Variants in CCDC15 observed in about 807,000 individuals in gnomAD.
The protein encoded by CCDC15 is coiled-coil domain containing 15.
In CCDC15, 105 loss-of-function variants were observed where a neutral mutation model predicts 114.5. The observed-to-expected ratio is 0.92, with a 90% CI of 0.78 to 1.08. The LOEUF (loss-of-function observed/expected upper bound fraction) is 1.08, where lower values mean the gene tolerates loss of function less well. Among genes scored for constraint, CCDC15 ranks in the 50% least tolerant of loss-of-function variants. The pLI, the probability that CCDC15 is intolerant of heterozygous loss-of-function variation, is 0.00. For missense variants in CCDC15, 1,105 were observed against 1,093.6 expected (o/e 1.01, Z -0.15); for synonymous variants, 334 against 377.8 (o/e 0.88, Z 1.34).
chr11:124,986,702 C>CGT (rs1565366389), intron 6 of CCDC15, 40 bp from the exon 7 acceptor site: 8 of 1,225,344 alleles, frequency 6.5e-6, no homozygotes, highest in African/African-American at 2.2e-5. Context: ...TGTGTGTGTG[C>CGT]GCGCGCGCGC....
chr11:124,996,582 G>T (rs961486809), intron 11 of CCDC15, among the ~76,000 whole-genome samples: 2 of 152,026 alleles, frequency 1.3e-5, no homozygotes, highest in Non-Finnish European at 2.9e-5. Context: ...ATCCTTTTTA[G>T]GTATACAGTT....
intron 3 of CCDC15, 26 bp from the exon 4 acceptor site, chr11:124,959,789 C>G: frequency 7.3e-7 from 1 of 1,365,296 alleles, no homozygotes. Flanking sequence ...TAGAATGTTA[C>G]TATCCCCCTT....
chr11:124,963,171 T>A (rs1025152751), intron 4 of CCDC15, among the ~76,000 whole-genome samples: 2 of 152,242 alleles, frequency 1.3e-5, no homozygotes, highest in African/African-American at 4.8e-5. Context: ...ATGAGATGGC[T>A]GGGTCAAATG....
At chr11:125,035,598 GACTT>G (rs1565384979) in intron 13 of CCDC15, among the ~76,000 whole-genome samples, 3 of 151,952 alleles carry the variant, frequency 2.0e-5, no homozygotes, top group African/African-American at 7.2e-5. Flanking sequence ...GTTAAGTAAG[GACTT>G]ACTTCTGCCA....
At chr11:124,995,764 G>A (rs1948356009) in intron 11 of CCDC15, among the ~76,000 whole-genome samples, 1 of 151,936 alleles carries the variant, frequency 6.6e-6, no homozygotes. Flanking sequence ...CAGCTTTGGT[G>A]ATCTGAATCT....
At chr11:125,038,773 G>A (rs992207827) in intron 14 of CCDC15, 148 bp from the exon 15 acceptor site, 31 of 1,178,800 alleles carry the variant, frequency 2.6e-5, no homozygotes, top group Non-Finnish European at 3.6e-5. Context: ...CTTGGGTGTA[G>A]CCCTGCGTTT....
At chr11:124,981,742 C>T (rs1948075340) in intron 6 of CCDC15, among the ~76,000 whole-genome samples, 1 of 152,182 alleles carries the variant, frequency 6.6e-6, no homozygotes, top group Non-Finnish European at 1.5e-5. Context: ...AACTCAGCCA[C>T]CTGAGTAGCT....
intron 11 of CCDC15, among the ~76,000 whole-genome samples, chr11:124,997,681 C>T (rs1004997932): frequency 2.0e-5 from 3 of 152,172 alleles, no homozygotes; most frequent in African/African-American, 4.8e-5. Flanking sequence ...GTGGCTCATG[C>T]CTATAATCCC....
intron 4 of CCDC15, among the ~76,000 whole-genome samples, chr11:124,961,698 G>C (rs1383402761): frequency 2.6e-5 from 4 of 152,032 alleles, no homozygotes; most frequent in Non-Finnish European, 5.9e-5. Flanking sequence ...GCTAATTTTT[G>C]TATTTTTAGT....
At position 125,038,987 on chromosome 11, in the gene CCDC15, A is replaced by G; in HGVS notation, c.2652A>G (p.Pro884=). The G allele has an allele frequency of 1.2e-6, 2 of 1,613,244 alleles. No individual in the cohort carries two copies. Among genetic ancestry groups the G allele is most frequent in the Non-Finnish European group, 1.7e-6 (2 of 1,179,412 alleles). Residue 884 remains proline, a synonymous_variant, in exon 15 of 16, where the codon CCA becomes CCG. Coordinates refer to ENST00000344762, the MANE Select transcript of CCDC15 (RefSeq NM_025004.3). The part of the protein sequence containing the change: ...KMQLYNITLP[P]LCCCGPDFWD... ...AGCTGTATAATATTACTTTACCTCC[A>G]CTATGCTGTTGTGGTCCTGATTTTT...
intron 4 of CCDC15, among the ~76,000 whole-genome samples, chr11:124,964,878 T>C (rs1947743317): frequency 6.6e-6 from 1 of 152,222 alleles, no homozygotes. Context: ...CAAAGGCCTT[T>C]TCTGCATCTA....
intron 13 of CCDC15, among the ~76,000 whole-genome samples, chr11:125,028,980 A>G (rs9971432): frequency 0.2 from 30,874 of 152,070 alleles, 3,735 homozygotes; most frequent in African/African-American, 0.34. Context: ...CTGAGGAGCA[A>G]GGAGAACCAC....
chr11:125,014,384 A>G (rs1452156803), intron 13 of CCDC15, among the ~76,000 whole-genome samples: 1 of 152,156 alleles, frequency 6.6e-6, no homozygotes, highest in Non-Finnish European at 1.5e-5. Flanking sequence ...CTAAGTACAT[A>G]CTTAGAAGTA....
intron 5 of CCDC15, among the ~76,000 whole-genome samples, chr11:124,975,506 C>T (rs1947958493): frequency 6.6e-6 from 1 of 152,054 alleles, no homozygotes; most frequent in Non-Finnish European, 1.5e-5. Flanking sequence ...ATGTATTCAA[C>T]AAATACTTAT....
At chr11:124,986,666 GCT>G (rs2135481284) in intron 6 of CCDC15, 74 bp from the exon 7 acceptor site, 1 of 1,151,134 alleles carries the variant, frequency 8.7e-7, no homozygotes. Context: ...GCTACATGGT[GCT>G]GTGTGTGTGT....
intron 11 of CCDC15, among the ~76,000 whole-genome samples, chr11:125,001,673 T>G (rs1378702601): frequency 2.0e-5 from 3 of 152,262 alleles, no homozygotes; most frequent in Non-Finnish European, 4.4e-5. Context: ...CTTTCGTGAC[T>G]GGCTTCTTTC....
Position 125,017,094 on chromosome 11 carries a change from C to T in CCDC15, c.2411+11882C>T, listed in dbSNP as rs61227601. On this transcript the variant is annotated intron_variant, in intron 13 of 15. Transcript: ENST00000344762. ...ACATGATTTAACTTGAAGACAAAAC[C>T]ACCTTAGCAGCATTCTAAAATAATC... Among the ~76,000 whole-genome samples, 628 of 152,264 alleles carry T rather than the reference C, an allele frequency of 4.1e-3. 4 individuals carry two copies. The highest frequency in any genetic ancestry group is 0.014 in the African/African-American group (599 of 41,566).
In CCDC15 at chr11:124,954,794, A is replaced by AC; in HGVS notation, c.67dup (p.Leu23ProfsTer12). 3.7e-6 allele frequency: 6 copies of AC among 1,613,812 alleles called. No individual in the cohort carries two copies. Among genetic ancestry groups the AC allele is most frequent in the Non-Finnish European group, 5.1e-6 (6 of 1,179,852 alleles). ...ACCTCAAGGTTGCCCCTGGCTTTAA[A>AC]CCCCCTGAAGAGCAAGGACGTGTTG... On this transcript the variant is annotated frameshift_variant, in exon 2 of 16. Coordinates refer to ENST00000344762, the MANE Select transcript of CCDC15 (RefSeq NM_025004.3). LOFTEE classifies it high-confidence loss of function.
At chr11:124,965,395 T>C (rs1341862510) in intron 4 of CCDC15, among the ~76,000 whole-genome samples, 7 of 152,234 alleles carry the variant, frequency 4.6e-5, no homozygotes, top group Non-Finnish European at 8.8e-5. Context: ...GAGGAATTTA[T>C]CCATTTCTTC....
Sources: gnomAD v4.1 joint callset for allele counts (sites outside exome capture counted in the v4.1 genomes callset) on GRCh38, gnomAD v4.1.1 for gene constraint, MANE v1.5 for transcripts, NCBI Gene and HGNC (gene_info 2026-07-23, HGNC 2026-07-21) for gene names.